The following ANKS1B variants were observed in gnomAD, a reference collection of about 807,000 sequenced individuals.
ANKS1B encodes the protein ankyrin repeat and sterile alpha motif domain containing 1B.
In ANKS1B, 36 loss-of-function variants were observed where a neutral mutation model predicts 148.3. The ratio of observed to expected loss-of-function variants is 0.24; its 90% CI spans 0.19 to 0.32. The LOEUF is 0.32. Ranked by LOEUF, ANKS1B falls within the 10% of genes least tolerant of loss-of-function variation. The pLI, the probability that ANKS1B is intolerant of heterozygous loss-of-function variation, is 1.00. For synonymous variants in ANKS1B, 542 were observed against 560.8 expected (o/e 0.97, Z 0.47); for missense variants, 1,157 against 1,542.6 (o/e 0.75, Z 4.19).
chr12:99,221,334 C>T (rs1363790176), intron 14 of ANKS1B, among the ~76,000 whole-genome samples: 2 of 151,894 alleles, frequency 1.3e-5, no homozygotes, highest in Non-Finnish European at 2.9e-5. Flanking sequence ...AGGAAGACTC[C>T]ATCTCAAAAT....
rs575062293 is a variant in ANKS1B, at chr12:98,949,087, G to T, written c.2778+104070C>A. Among the ~76,000 whole-genome samples, 3 of 151,206 alleles carry T rather than the reference G, an allele frequency of 2.0e-5. No homozygotes were observed. The South Asian group carries it at 6.3e-4, about 32-fold the overall frequency. ...CCTGCCTCAGCCTCCCAAGTAGCTG[G>T]GACTACAGGCACGTGCCAACACACC... On this transcript the variant is annotated intron_variant, in intron 17 of 26. Transcript: ENST00000683438.
At chr12:99,133,544 T>C (rs1210227338) in intron 15 of ANKS1B, among the ~76,000 whole-genome samples, 1 of 152,222 alleles carries the variant, frequency 6.6e-6, no homozygotes, top group East Asian at 1.9e-4. Context: ...TAACTTCTCA[T>C]TTCTTTTCTC....
intron 9 of ANKS1B, among the ~76,000 whole-genome samples, chr12:99,602,181 T>C (rs1254675441): frequency 6.6e-6 from 1 of 151,990 alleles, no homozygotes; most frequent in African/African-American, 2.4e-5. Flanking sequence ...TGTGGTACCA[T>C]TTTCTGAGCC....
intron 2 of ANKS1B, among the ~76,000 whole-genome samples, chr12:99,825,078 G>A (rs769273752): frequency 3.3e-5 from 5 of 152,154 alleles, no homozygotes; most frequent in Non-Finnish European, 7.4e-5. Context: ...TTCTCCCAGT[G>A]TGATAGGTTG....
chr12:99,340,073 A>T (rs1000994238), intron 12 of ANKS1B, among the ~76,000 whole-genome samples: 1 of 151,932 alleles, frequency 6.6e-6, no homozygotes, highest in Non-Finnish European at 1.5e-5. Flanking sequence ...CATTTTATTT[A>T]TTTATTTTTA....
At chr12:99,379,979 AAT>A (rs1323800812) in intron 12 of ANKS1B, among the ~76,000 whole-genome samples, 2 of 152,236 alleles carry the variant, frequency 1.3e-5, no homozygotes, top group African/African-American at 4.8e-5. Context: ...TCTTGCAAAG[AAT>A]ATAGTTAACT....
At chr12:99,532,043 GT>G (rs143564495) in intron 9 of ANKS1B, among the ~76,000 whole-genome samples, 40,128 of 145,502 alleles carry the variant, frequency 0.28, 5,810 homozygotes, top group African/African-American at 0.38. Context: ...TAACGGGATT[GT>G]TTTTTTTTTT....
In ANKS1B at chr12:99,178,763, T is replaced by C. The variant is rs2078725089; in HGVS notation, c.2420-24368A>G. On this transcript the variant is annotated intron_variant, in intron 14 of 26. Transcript: ENST00000683438. ...ATCATAAATAACTTAAGACCATTCATGTAATAAGATAACAAAAATAACAAT... is the reference window on the plus strand; with the variant it reads ...ATCATAAATAACTTAAGACCATTCACGTAATAAGATAACAAAAATAACAAT... Among the ~76,000 whole-genome samples the C allele has an allele frequency of 7.9e-5, 12 of 152,306 alleles. No individual in the cohort carries two copies. The South Asian group carries it at 2.5e-3, about 32-fold the overall frequency.
chr12:98,847,606 C>A (rs1342704572), intron 17 of ANKS1B, among the ~76,000 whole-genome samples: 1 of 120,296 alleles, frequency 8.3e-6, no homozygotes, highest in Non-Finnish European at 1.8e-5. Context: ...AATTTTTTTT[C>A]TTCTTTTGAG....
Position 99,224,481 on chromosome 12 carries a change from T to C in ANKS1B, c.2419+19861A>G, listed in dbSNP as rs1015508828. Among the ~76,000 whole-genome samples the C allele has an allele frequency of 9.9e-5, 15 of 152,092 alleles. 1 individual carries two copies. The highest frequency in any genetic ancestry group is 3.6e-4 in the African/African-American group (15 of 41,412). The stretch of plus-strand genomic sequence containing the variant: ...TGAGTTCTCTCGTGAGATCTGGTTG[T>C]TTAAAAGTATGCAGCACCTCCCCCT... On this transcript the variant is annotated intron_variant, in intron 14 of 26. Transcript: ENST00000683438.
intron 14 of ANKS1B, among the ~76,000 whole-genome samples, chr12:99,203,539 C>T (rs900261163): frequency 1.3e-5 from 2 of 151,816 alleles, no homozygotes; most frequent in Non-Finnish European, 2.9e-5. Flanking sequence ...CAAGCTCCGC[C>T]CTCCGGGTGC....
chr12:98,939,222 A>G (rs2099830364), intron 17 of ANKS1B, among the ~76,000 whole-genome samples: 1 of 152,192 alleles, frequency 6.6e-6, no homozygotes, highest in African/African-American at 2.4e-5. Context: ...TCAACATTGG[A>G]TTTTCTAGAG....
At chr12:99,888,301 G>A (rs888832346) in intron 1 of ANKS1B, among the ~76,000 whole-genome samples, 33 of 152,178 alleles carry the variant, frequency 2.2e-4, no homozygotes, top group African/African-American at 8.0e-4. Context: ...TGAAGGCTCT[G>A]CTCCTTGAAA....
At chr12:99,082,675 G>GCACTGT (rs2050220290) in intron 16 of ANKS1B, among the ~76,000 whole-genome samples, 1 of 152,166 alleles carries the variant, frequency 6.6e-6, no homozygotes, top group African/African-American at 2.4e-5. Flanking sequence ...AGACTGGAAT[G>GCACTGT]CACTGTGGTA....
chr12:98,810,240 C>A (rs1006935968), intron 19 of ANKS1B, among the ~76,000 whole-genome samples: 2 of 152,218 alleles, frequency 1.3e-5, no homozygotes, highest in East Asian at 1.9e-4. Context: ...AGAGATTGCA[C>A]ACTTGTGTGC....
At chr12:98,941,713 G>C (rs1330309725) in intron 17 of ANKS1B, among the ~76,000 whole-genome samples, 2 of 152,202 alleles carry the variant, frequency 1.3e-5, no homozygotes, top group Admixed American at 1.3e-4. Flanking sequence ...AACATTTAAA[G>C]ATGTATCCTT....
intron 12 of ANKS1B, among the ~76,000 whole-genome samples, chr12:99,270,311 C>T (rs1192608973): frequency 2.6e-5 from 4 of 152,180 alleles, no homozygotes; most frequent in African/African-American, 9.7e-5. Flanking sequence ...CAAATATCAC[C>T]TCCTCAGAGA....
At chr12:99,521,714 GTCTC>G (rs2096876617) in intron 9 of ANKS1B, among the ~76,000 whole-genome samples, 1 of 151,318 alleles carries the variant, frequency 6.6e-6, no homozygotes, top group Non-Finnish European at 1.5e-5. Flanking sequence ...TAGAGTCAGT[GTCTC>G]TCTCTCAATC....
chr12:99,888,081 C>T lies in ANKS1B; in HGVS notation c.135-62692G>A, dbSNP rs188310088. Among the ~76,000 whole-genome samples, 493 of 152,224 alleles carry T rather than the reference C, an allele frequency of 3.2e-3. 2 individuals carry two copies. Among genetic ancestry groups the T allele is most frequent in the Non-Finnish European group, 4.7e-3 (323 of 68,000 alleles). On this transcript the variant is annotated intron_variant, in intron 1 of 26. Coordinates refer to ENST00000683438, the MANE Select transcript of ANKS1B (RefSeq NM_001352186.2). The stretch of plus-strand genomic sequence containing the variant: ...ATAACAAAAGGGTAATGGAAGCAGA[C>T]GTAGAAAGAGACATAGAAGTAACAA...
Sources: gnomAD v4.1 joint callset for allele counts (sites outside exome capture counted in the v4.1 genomes callset) on GRCh38, gnomAD v4.1.1 for gene constraint, MANE v1.5 for transcripts, NCBI Gene and HGNC (gene_info 2026-07-23, HGNC 2026-07-21) for gene names.